Variants in DHX9 observed in about 807,000 individuals in gnomAD.
DHX9 encodes DExH-box helicase 9.
A neutral mutation model predicts 148.7 loss-of-function variants in DHX9; 27 were observed. That is an observed-to-expected ratio of 0.18 (90% CI 0.13 to 0.25). DHX9 has a LOEUF of 0.25. DHX9 is among the 10% of genes least tolerant of loss of function. The pLI is 1.00. For missense variants in DHX9, 796 were observed against 1,559.6 expected (o/e 0.51, Z 8.25); for synonymous variants, 529 against 516.6 (o/e 1.02, Z -0.33).
chr1:182,860,041 A>G lies in DHX9; in HGVS notation c.1189A>G (p.Ile397Val), dbSNP rs747243683. 6 of 1,613,790 alleles carry G rather than the reference A, an allele frequency of 3.7e-6. No individual in the cohort carries two copies. The highest frequency in any genetic ancestry group is 1.1e-5 in the South Asian group (1 of 91,006). The change falls in exon 12 of 28, where the codon ATT becomes GTT. Residue 397 changes from isoleucine (I) to valine (V), a missense_variant. Physicochemically the swap from Ile to Val is conservative, Grantham distance 29. Transcript: ENST00000367549. ...LLPVKKFESE[I>V]LEAISQNSVV... ...GCCTGTGAAGAAATTTGAAAGTGAG[A>G]TTCTGGAAGCAATCAGCCAAAATTC...
intron 12 of DHX9, among the ~76,000 whole-genome samples, chr1:182,860,630 T>C (rs1668344195): frequency 6.6e-6 from 1 of 152,236 alleles, no homozygotes; most frequent in African/African-American, 2.4e-5. Context: ...GTAAGTACTA[T>C]TTCACATAGT....
At chr1:182,858,428 C>T (rs1374395109) in intron 8 of DHX9, 123 bp from the exon 9 acceptor site, 23 of 1,092,488 alleles carry the variant, frequency 2.1e-5, no homozygotes, top group Non-Finnish European at 2.9e-5. Flanking sequence ...TGAAGTAATT[C>T]TCTCACAAAA....
chr1:182,881,745 C>T (rs1198180187), intron 24 of DHX9, 98 bp downstream of exon 24: 1 of 1,316,108 alleles, frequency 7.6e-7, no homozygotes, highest in Non-Finnish European at 1.0e-6. Context: ...ATTTTAGACC[C>T]TATGATTTTT....
At chr1:182,850,822 A>G (rs1183452152) in intron 3 of DHX9, among the ~76,000 whole-genome samples, 1 of 152,198 alleles carries the variant, frequency 6.6e-6, no homozygotes, top group Non-Finnish European at 1.5e-5. Flanking sequence ...AAGATTATGC[A>G]CTGTGACACT....
intron 6 of DHX9, 141 bp downstream of exon 6, chr1:182,854,319 C>T (rs1571302856): frequency 7.5e-6 from 6 of 795,652 alleles, no homozygotes; most frequent in Admixed American, 6.6e-5. Flanking sequence ...CGTTAATTTG[C>T]ACAAGAATAA....
chr1:182,875,035 G>A (rs1648697504), intron 16 of DHX9, 81 bp downstream of exon 16: 1 of 1,093,018 alleles, frequency 9.1e-7, no homozygotes, highest in Non-Finnish European at 1.4e-6. Flanking sequence ...AACATGCAAT[G>A]TATTAGCATT....
intron 8 of DHX9, 147 bp from the exon 9 acceptor site, chr1:182,858,404 G>T (rs1459590985): frequency 1.9e-6 from 2 of 1,031,724 alleles, no homozygotes; most frequent in African/African-American, 3.2e-5. Flanking sequence ...AATAGGCAGT[G>T]AGTAAATAAT....
intron 27 of DHX9, among the ~76,000 whole-genome samples, chr1:182,886,242 C>T (rs896439635): frequency 6.6e-6 from 1 of 151,726 alleles, no homozygotes; most frequent in Non-Finnish European, 1.5e-5. Context: ...GTTGTCCAGG[C>T]TGGAGTGCAG....
At chr1:182,850,826 T>C (rs753659053) in intron 3 of DHX9, among the ~76,000 whole-genome samples, 2 of 152,242 alleles carry the variant, frequency 1.3e-5, no homozygotes, top group African/African-American at 2.4e-5. Flanking sequence ...TTATGCACTG[T>C]GACACTTTCA....
At chr1:182,879,845 C>A (rs1039495512) in intron 21 of DHX9, among the ~76,000 whole-genome samples, 2 of 151,888 alleles carry the variant, frequency 1.3e-5, no homozygotes, top group Admixed American at 1.3e-4. Context: ...TCTGCCTCAG[C>A]CTCCCGAGTA....
rs571363823 is a variant in DHX9, at chr1:182,887,291, G to A, written c.3670G>A (p.Gly1224Ser). 8.1e-5 allele frequency: 131 copies of A among 1,614,150 alleles called. 2 individuals carry two copies. In the South Asian group the frequency reaches 1.4e-3, roughly 17 times the overall value. Reference protein sequence around the residue: ...VGGGYRGVSRGGFRGNSGGDY... With the variant: ...VGGGYRGVSRSGFRGNSGGDY... The stretch of plus-strand genomic sequence containing the variant: ...TGGAGGCTATAGAGGAGTTTCCCGA[G>A]GTGGCTTTAGAGGCAACTCTGGAGG... The change falls in exon 28 of 28, where the codon GGT becomes AGT. Residue 1224 changes from glycine (G) to serine (S), a missense_variant. Coordinates refer to ENST00000367549, the MANE Select transcript of DHX9 (RefSeq NM_001357.5).
At chr1:182,872,541 TG>T in intron 15 of DHX9, 48 bp downstream of exon 15, 2 of 1,551,408 alleles carry the variant, frequency 1.3e-6, no homozygotes, top group Non-Finnish European at 1.7e-6. Context: ...CAATAGGGTT[TG>T]TATTTTCTTA....
chr1:182,845,212 A>G (rs963144936), intron 3 of DHX9, among the ~76,000 whole-genome samples: 1 of 152,200 alleles, frequency 6.6e-6, no homozygotes, highest in African/African-American at 2.4e-5. Context: ...GCCTTCTGGT[A>G]GAGAAAACAG....
chr1:182,858,162 G>A lies in DHX9; in HGVS notation c.732G>A (p.Leu244=), dbSNP rs73063095. The change falls in exon 8 of 28, where the codon CTG becomes CTA. Residue 244 remains leucine, a synonymous_variant. Transcript: ENST00000367549. ...NKKLAAQSCA[L]SLVRQLYHLG... Reference sequence around the variant, plus strand: ...AATTGGCAGCACAGTCCTGTGCCCTGTCACTTGTCAGACAACTGTACCATC... The same window carrying A: ...AATTGGCAGCACAGTCCTGTGCCCTATCACTTGTCAGACAACTGTACCATC... 3.5e-3 allele frequency: 5,666 copies of A among 1,614,078 alleles called. 186 individuals carry two copies. The African/African-American group carries it at 0.068, about 19-fold the overall frequency.
At position 182,879,101 on chromosome 1, in the gene DHX9, T is replaced by C. The variant is rs181478936; in HGVS notation, c.2352-149T>C. On this transcript the variant is annotated intron_variant, in intron 20 of 27. Transcript: ENST00000367549. ...GATTAAATTTTGTCAACAGTGTGTA[T>C]AGTGAACGATAAAAGGTCCGATGGT... The C allele has an allele frequency of 5.4e-6, 3 of 557,426 alleles. No individual in the cohort carries two copies. In the Admixed American group the frequency reaches 1.0e-4, roughly 19 times the overall value. The allele number at this position is 557,426 out of a possible 1,614,324, so 34.5% of individuals were successfully genotyped here. A position where few individuals can be genotyped will look rare whatever the true frequency, so the allele number is the denominator to read the frequency against.
intron 16 of DHX9, chr1:182,875,156 A>C (rs1648702180): frequency 1.7e-6 from 1 of 605,928 alleles, no homozygotes; most frequent in East Asian, 3.4e-5. Context: ...ATCACAAGTT[A>C]AATTATCTCT....
chr1:182,869,172 C>G (rs894668240), intron 14 of DHX9, among the ~76,000 whole-genome samples: 3 of 152,190 alleles, frequency 2.0e-5, no homozygotes, highest in Non-Finnish European at 2.9e-5. Flanking sequence ...GCCTGTAATC[C>G]TAGCACTTTG....
chr1:182,851,137 A>G (rs563654061), intron 3 of DHX9, among the ~76,000 whole-genome samples: 6 of 152,186 alleles, frequency 3.9e-5, no homozygotes, highest in Non-Finnish European at 8.8e-5. Flanking sequence ...CATAACCCCA[A>G]CCTTGGAGGA....
chr1:182,867,218 T>C (rs10911150), intron 14 of DHX9, among the ~76,000 whole-genome samples, 175 bp downstream of exon 14: 6,086 of 152,242 alleles, frequency 0.04, 301 homozygotes, highest in African/African-American at 0.11. Flanking sequence ...TTTTTTTCTT[T>C]ATTGTTAAAC....
Sources: allele counts gnomAD v4.1 joint callset (sites outside exome capture counted in the v4.1 genomes callset), GRCh38; gene constraint gnomAD v4.1.1; transcripts MANE v1.5; gene names NCBI Gene and HGNC (gene_info 2026-07-23, HGNC 2026-07-21).